Variants in GALNTL6 observed in about 807,000 individuals in gnomAD.
GALNTL6 encodes the protein polypeptide N-acetylgalactosaminyltransferase-like 6.
GALNTL6 carries 46 observed loss-of-function variants against 73.7 expected under a neutral mutation model. That is an observed-to-expected ratio of 0.62 (90% CI 0.49 to 0.80). The LOEUF (loss-of-function observed/expected upper bound fraction) is 0.80, where lower values mean the gene tolerates loss of function less well. GALNTL6 is among the 30% of genes least tolerant of loss of function. The pLI is 0.00. For synonymous variants in GALNTL6, 259 were observed against 263.7 expected, an observed-to-expected ratio of 0.98 and a Z score of 0.17; for missense variants, 604 against 755.0, an observed-to-expected ratio of 0.80 and a Z score of 2.34.
At chr4:172,495,386 T>G (rs903720169) in intron 5 of GALNTL6, among the ~76,000 whole-genome samples, 21 of 152,328 alleles carry the variant, frequency 1.4e-4, no homozygotes, top group African/African-American at 4.3e-4. Context: ...CGAGGAGGCT[T>G]AATGTATCCA....
intron 7 of GALNTL6, among the ~76,000 whole-genome samples, chr4:172,839,089 A>G (rs1156505743): frequency 6.6e-6 from 1 of 152,210 alleles, no homozygotes; most frequent in East Asian, 1.9e-4. Flanking sequence ...AGGGACTATT[A>G]CAGACATAAG....
rs1464622782 is a variant in GALNTL6 at position 171,832,861 on chromosome 4, G to A, written c.138+18143G>A. 2.0e-5 allele frequency among the ~76,000 whole-genome samples: 3 copies of A among 151,734 alleles called. No homozygotes were observed. The East Asian group carries it at 5.8e-4, about 29-fold the overall frequency. On this transcript the variant is annotated intron_variant, in intron 2 of 12. Transcript: ENST00000506823. ...ACACGCTGCCAACTGTGTATTTCTAGACAAACATAAACATTCAATAAGCTT... is the reference window on the plus strand; with the variant it reads ...ACACGCTGCCAACTGTGTATTTCTAAACAAACATAAACATTCAATAAGCTT...
intron 10 of GALNTL6, among the ~76,000 whole-genome samples, chr4:172,980,672 G>C (rs1373437423): frequency 2.0e-5 from 3 of 152,078 alleles, no homozygotes; most frequent in Non-Finnish European, 2.9e-5. Flanking sequence ...CCTTCCTCTT[G>C]TTGTTAAGCC....
At chr4:172,767,667 C>CTT (rs1553986523) in intron 5 of GALNTL6, among the ~76,000 whole-genome samples, 44,090 of 118,062 alleles carry the variant, frequency 0.37, 10,365 homozygotes, top group East Asian at 0.66. Flanking sequence ...GATTTTTTTT[C>CTT]TTTTTTTTTT....
At chr4:172,198,492 A>G (rs1348615440) in intron 2 of GALNTL6, among the ~76,000 whole-genome samples, 2 of 152,184 alleles carry the variant, frequency 1.3e-5, no homozygotes, top group Non-Finnish European at 2.9e-5. Flanking sequence ...TTATGTGGCC[A>G]ACAAACATGA....
rs531285505 is a variant in GALNTL6, at chr4:172,733,796, T to A, written c.554-75565T>A. ...TTCTTTTTCTTTATAAATTACCCAG[T>A]CCCAGGTATGTATTTATTCACAGTA... On this transcript the variant is annotated intron_variant, in intron 5 of 12. Coordinates refer to ENST00000506823, the MANE Select transcript of GALNTL6 (RefSeq NM_001034845.3). 2.6e-5 allele frequency among the ~76,000 whole-genome samples: 4 copies of A among 152,292 alleles called. No homozygotes were observed. In the South Asian group the frequency reaches 8.3e-4, roughly 32 times the overall value.
chr4:172,154,554 A>T (rs78093949), intron 2 of GALNTL6, among the ~76,000 whole-genome samples: 1,537 of 152,202 alleles, frequency 0.01, 25 homozygotes, highest in African/African-American at 0.035. Context: ...ACTATTTTTT[A>T]TACTATCTTT....
intron 5 of GALNTL6, among the ~76,000 whole-genome samples, chr4:172,443,366 A>G (rs965607223): frequency 6.6e-6 from 1 of 151,260 alleles, no homozygotes; most frequent in African/African-American, 2.4e-5. Flanking sequence ...GGTTTTTACC[A>G]TGTTGGCCAG....
At chr4:172,401,384 G>A (rs1348057525) in intron 5 of GALNTL6, among the ~76,000 whole-genome samples, 1 of 151,930 alleles carries the variant, frequency 6.6e-6, no homozygotes, top group Non-Finnish European at 1.5e-5. Context: ...AGAAAATAAA[G>A]CTAAATTCAA....
At chr4:172,679,261 A>T (rs557478005) in intron 5 of GALNTL6, among the ~76,000 whole-genome samples, 1 of 152,116 alleles carries the variant, frequency 6.6e-6, no homozygotes, top group Admixed American at 6.5e-5. Context: ...AAAATACAAA[A>T]TTGGCCTGGT....
At chr4:172,949,255 A>G (rs1749320617) in intron 9 of GALNTL6, among the ~76,000 whole-genome samples, 1 of 152,236 alleles carries the variant, frequency 6.6e-6, no homozygotes, top group South Asian at 2.1e-4. Flanking sequence ...CTTTTAAGGC[A>G]AAAATAGATC....
chr4:172,703,116 A>G (rs1174014387), intron 5 of GALNTL6, among the ~76,000 whole-genome samples: 1 of 152,022 alleles, frequency 6.6e-6, no homozygotes, highest in East Asian at 1.9e-4. Flanking sequence ...TGGTAAAAGT[A>G]GGTATCTTTG....
intron 2 of GALNTL6, among the ~76,000 whole-genome samples, chr4:171,944,104 A>C (rs1738631981): frequency 6.6e-6 from 1 of 152,082 alleles, no homozygotes; most frequent in Non-Finnish European, 1.5e-5. Context: ...ATGATAAGAA[A>C]AAAATAAGTA....
chr4:172,949,214 C>T (rs1003937986), intron 9 of GALNTL6, among the ~76,000 whole-genome samples: 1 of 152,180 alleles, frequency 6.6e-6, no homozygotes, highest in Non-Finnish European at 1.5e-5. Flanking sequence ...GATGAGCACA[C>T]ACGTTTCTGG....
At chr4:172,803,083 G>A (rs1366419867) in intron 5 of GALNTL6, among the ~76,000 whole-genome samples, 1 of 152,188 alleles carries the variant, frequency 6.6e-6, no homozygotes, top group Non-Finnish European at 1.5e-5. Flanking sequence ...CCAATTACAG[G>A]AATAAACTCT....
chr4:172,314,880 G>T (rs1266904477), intron 4 of GALNTL6, among the ~76,000 whole-genome samples: 1 of 152,058 alleles, frequency 6.6e-6, no homozygotes, highest in East Asian at 1.9e-4. Context: ...AAAGTGCTGG[G>T]ATTATAGGCG....
chr4:172,278,862 TA>T (rs1738930087), intron 3 of GALNTL6, among the ~76,000 whole-genome samples: 1 of 152,090 alleles, frequency 6.6e-6, no homozygotes, highest in Admixed American at 6.6e-5. Context: ...GGTATTGGCA[TA>T]AAAACAGACA....
intron 2 of GALNTL6, among the ~76,000 whole-genome samples, chr4:172,103,390 G>A (rs575728802): frequency 6.6e-6 from 1 of 152,204 alleles, no homozygotes; most frequent in African/African-American, 2.4e-5. Flanking sequence ...TGAGTCTAAA[G>A]GCATTCATAA....
At chr4:172,440,899 T>C (rs903821046) in intron 5 of GALNTL6, among the ~76,000 whole-genome samples, 1 of 152,148 alleles carries the variant, frequency 6.6e-6, no homozygotes, top group African/African-American at 2.4e-5. Context: ...TCAATTTGTC[T>C]TTTACTGTTA....
Sources: allele counts gnomAD v4.1 joint callset (sites outside exome capture counted in the v4.1 genomes callset), GRCh38; gene constraint gnomAD v4.1.1; transcripts MANE v1.5; gene names NCBI Gene and HGNC (gene_info 2026-07-23, HGNC 2026-07-21).